The following STOX2 variants were observed in gnomAD, a reference collection of about 807,000 sequenced individuals.
STOX2 encodes storkhead box 2.
STOX2 carries 28 observed loss-of-function variants against 60.9 expected under a neutral mutation model. The ratio of observed to expected loss-of-function variants is 0.46; its 90% CI spans 0.34 to 0.63. STOX2 has a LOEUF of 0.63. Ranked by LOEUF, STOX2 falls within the 30% of genes least tolerant of loss-of-function variation. STOX2 has a pLI of 0.01. For missense variants in STOX2, 1,024 were observed against 1,187.7 expected, an observed-to-expected ratio of 0.86 and a Z score of 2.03; for synonymous variants, 472 against 463.9, an observed-to-expected ratio of 1.02 and a Z score of -0.22.
At chr4:183,879,599 C>T (rs750998690) in intron 1 of STOX2, among the ~76,000 whole-genome samples, 17 of 152,298 alleles carry the variant, frequency 1.1e-4, no homozygotes, top group Admixed American at 6.5e-4. Flanking sequence ...TGTCAGATGC[C>T]TCGCGTTGGT....
intron 2 of STOX2, among the ~76,000 whole-genome samples, chr4:184,008,289 C>A (rs1051241416): frequency 6.6e-5 from 10 of 152,358 alleles, no homozygotes; most frequent in African/African-American, 1.9e-4. Context: ...GCTCTTAATT[C>A]TGTCTCTTAA....
chr4:183,892,570 G>A lies in STOX2; in HGVS notation c.364+94515G>A, dbSNP rs116729948. Among the ~76,000 whole-genome samples the A allele has an allele frequency of 7.6e-3, 1,156 of 152,244 alleles. 15 individuals are homozygous for A. Among genetic ancestry groups the A allele is most frequent in the African/African-American group, 0.027 (1,102 of 41,520 alleles). On this transcript the variant is annotated intron_variant, in intron 1 of 2. Coordinates refer to the STOX2 transcript ENST00000513034. ...GCTGGGATTACAGGCGTGAGCCACC[G>A]CGCCCGGCCCATTCACACTCTTCTT... is the stretch of plus-strand genomic sequence containing the variant.
At position 183,906,727 on chromosome 4, in the gene STOX2, A is replaced by C. The variant is rs535248568; in HGVS notation, c.-64A>C. 7.0e-7 allele frequency: 1 copy of C among 1,428,356 alleles called. No homozygotes were observed. Among genetic ancestry groups the C allele is most frequent in the Non-Finnish European group, 9.3e-7 (1 of 1,079,418 alleles). 88.5% of individuals were successfully genotyped at this position (1,428,356 alleles called of 1,614,324 possible). On this transcript the variant is annotated 5_prime_UTR_variant, in exon 1 of 4. Transcript: ENST00000308497. Reference sequence around the variant, plus strand: ...GGTCGTGCCCGCCGTAGACGGATGAAGGAGCGCGCTGCGCCCCGGCGCTGA... The same window carrying C: ...GGTCGTGCCCGCCGTAGACGGATGACGGAGCGCGCTGCGCCCCGGCGCTGA...
chr4:183,822,543 A>G (rs1431514859), intron 1 of STOX2, among the ~76,000 whole-genome samples: 1 of 152,230 alleles, frequency 6.6e-6, no homozygotes, highest in Non-Finnish European at 1.5e-5. Context: ...TTAGATTCTC[A>G]TAAGGAGCAC....
intron 1 of STOX2, among the ~76,000 whole-genome samples, chr4:183,811,871 C>A (rs938703639): frequency 1.3e-5 from 2 of 148,988 alleles, no homozygotes; most frequent in African/African-American, 4.9e-5. Flanking sequence ...ATATCAGTTT[C>A]TTTTATTCTT....
At chr4:183,900,881 G>A (rs1741445370), upstream of STOX2, among the ~76,000 whole-genome samples, 1 of 151,704 alleles carries the variant, frequency 6.6e-6, no homozygotes, top group African/African-American at 2.4e-5. Context: ...TATTTTTATT[G>A]AGGTAAAATA....
chr4:184,017,314 A>G lies in STOX2; in HGVS notation c.*30A>G, dbSNP rs559446413. 4.5e-6 allele frequency: 7 copies of G among 1,543,144 alleles called. No homozygotes were observed. Among genetic ancestry groups the G allele is most frequent in the South Asian group, 2.4e-5 (2 of 82,082 alleles). ...CCTTCTGCCTCAGATCTTCTGTCTC[A>G]TTCGATACAGCAAAGTTTACGACAC... On this transcript the variant is annotated 3_prime_UTR_variant, in exon 4 of 4. Transcript: ENST00000308497.
intron 1 of STOX2, among the ~76,000 whole-genome samples, chr4:183,897,473 G>A (rs2111069852): frequency 6.6e-6 from 1 of 152,320 alleles, no homozygotes; most frequent in South Asian, 2.1e-4. Context: ...CAGGGTTTCA[G>A]TATGAGATAG....
In STOX2 at chr4:183,825,690, A is replaced by G. The variant is rs931653844; in HGVS notation, c.364+27635A>G. ...TATTTTCTGAGGATAGCTTGACAGGACAGGGGCAACCTAGACCTAGTGGAG... is the reference window on the plus strand; with the variant it reads ...TATTTTCTGAGGATAGCTTGACAGGGCAGGGGCAACCTAGACCTAGTGGAG... On this transcript the variant is annotated intron_variant, in intron 1 of 2. Coordinates refer to the STOX2 transcript ENST00000513034. The surrounding 1 kb of genome is among the most constrained non-coding windows in gnomAD (Gnocchi z 4.1). 5.3e-5 allele frequency among the ~76,000 whole-genome samples: 8 copies of G among 152,052 alleles called. No individual in the cohort carries two copies. The highest frequency in any genetic ancestry group is 4.6e-4 in the Admixed American group (7 of 15,274).
chr4:183,833,892 G>A (rs1371374588), intron 1 of STOX2, among the ~76,000 whole-genome samples: 1 of 146,706 alleles, frequency 6.8e-6, no homozygotes, highest in East Asian at 2.0e-4. Context: ...TGAGGCAGGA[G>A]AATGGCGTGA....
chr4:183,833,137 G>A (rs1023795081), intron 1 of STOX2, among the ~76,000 whole-genome samples: 7 of 152,186 alleles, frequency 4.6e-5, no homozygotes, highest in Non-Finnish European at 7.3e-5. Context: ...GTTCTTAATC[G>A]TCTTTCTAAA....
intron 1 of STOX2, among the ~76,000 whole-genome samples, chr4:183,813,396 A>G (rs889364151): frequency 6.7e-6 from 1 of 148,160 alleles, no homozygotes; most frequent in Non-Finnish European, 1.5e-5. Flanking sequence ...AAGAAAAAAG[A>G]AAAAACAGCC....
At chr4:183,916,168 G>A (rs892826167) in intron 1 of STOX2, among the ~76,000 whole-genome samples, 20 of 152,234 alleles carry the variant, frequency 1.3e-4, no homozygotes, top group East Asian at 1.9e-4. Flanking sequence ...GCATGATGGC[G>A]TTCCCGGGCC....
chr4:183,813,815 C>A (rs548919212), intron 1 of STOX2, among the ~76,000 whole-genome samples: 2 of 152,276 alleles, frequency 1.3e-5, no homozygotes. Flanking sequence ...GGGGGAAAAA[C>A]ACTCAGTACT....
intron 1 of STOX2, among the ~76,000 whole-genome samples, chr4:183,832,327 G>A (rs916780184): frequency 6.6e-6 from 1 of 151,378 alleles, no homozygotes; most frequent in African/African-American, 2.4e-5. Flanking sequence ...CTGAAAGCAG[G>A]GACTCTAAAT....
chr4:183,884,740 G>A (rs1429030562), intron 1 of STOX2, among the ~76,000 whole-genome samples: 3 of 152,102 alleles, frequency 2.0e-5, no homozygotes, highest in African/African-American at 4.8e-5. Context: ...GTACAAAACC[G>A]AAATGTCCTC....
rs891782852 is a variant in STOX2, at chr4:184,006,733, T to C, written c.320-2425T>C. 8.7e-5 allele frequency among the ~76,000 whole-genome samples: 13 copies of C among 150,286 alleles called. No individual in the cohort carries two copies. In the South Asian group the frequency reaches 2.5e-3, roughly 29 times the overall value. ...AAAAAGAAAAAAATTCATTTCTATT[T>C]TGTACAGAAAGTATTATAAAATTAA... is the stretch of plus-strand genomic sequence containing the variant. On this transcript the variant is annotated intron_variant, in intron 2 of 3. Transcript: ENST00000308497.
At chr4:183,972,200 A>G (rs1354947197) in intron 1 of STOX2, among the ~76,000 whole-genome samples, 3 of 152,162 alleles carry the variant, frequency 2.0e-5, no homozygotes, top group Non-Finnish European at 4.4e-5. Context: ...TGATGAAGGG[A>G]ACTGTGGTCC....
At position 184,010,538 on chromosome 4, in the gene STOX2, C is replaced by T. The variant is rs1734103451; in HGVS notation, c.1700C>T (p.Ser567Phe). Residue 567 changes from serine (S) to phenylalanine (F), a missense_variant, in exon 3 of 4, where the codon TCC (serine) becomes TTC (phenylalanine). Physicochemically the swap from Ser to Phe is radical, Grantham distance 155 (BLOSUM62 -2). Around this residue, in one of 3 missense-constraint regions of STOX2, gnomAD observed 922 missense variants for 1,058.3 expected, o/e 0.87. Transcript: ENST00000308497. The surrounding 1 kb of genome is among the most constrained non-coding windows in gnomAD (Gnocchi z 4.5). ...PEIVSGSKEP[S>F]SACSLLEPGK... ...ATAGTCAGTGGCAGCAAGGAACCGT[C>T]CAGCGCTTGCAGCCTTTTGGAGCCA... is the stretch of plus-strand genomic sequence containing the variant. 6.2e-7 allele frequency: 1 copy of T among 1,613,812 alleles called. No individual in the cohort carries two copies. Among genetic ancestry groups the T allele is most frequent in the African/African-American group, 1.3e-5 (1 of 74,950 alleles).
Sources: gnomAD v4.1 joint callset for allele counts (sites outside exome capture counted in the v4.1 genomes callset) on GRCh38, gnomAD v4.1.1 for gene constraint, gnomAD v4.1.1 regional missense constraint, Gnocchi (gnomAD v3.1) non-coding constraint, MANE v1.5 for transcripts, NCBI Gene and HGNC (gene_info 2026-07-23, HGNC 2026-07-21) for gene names.